The following CAMTA1 variants were observed in gnomAD, a reference collection of about 807,000 sequenced individuals.
The protein encoded by CAMTA1 is calmodulin-binding transcription activator 1.
In CAMTA1, 27 loss-of-function variants were observed where a neutral mutation model predicts 170.9. The observed-to-expected ratio is 0.16, with a 90% CI of 0.12 to 0.22. The LOEUF is 0.22. CAMTA1 is among the 10% of genes least tolerant of loss of function. CAMTA1 has a pLI of 1.00. For missense variants in CAMTA1, 1,619 were observed against 2,217.2 expected (o/e 0.73, Z 5.42); for synonymous variants, 833 against 891.5 (o/e 0.93, Z 1.17).
At position 7,709,712 on chromosome 1, in the gene CAMTA1, G is replaced by C. The variant is rs1324097894; in HGVS notation, c.2915-22736G>C. ...TCTTTCATATAATACAGCAGGATGG[G>C]CACTGGGTGTTTCAGCTCTACCATT... is the stretch of plus-strand genomic sequence containing the variant. On this transcript the variant is annotated intron_variant, in intron 11 of 22. Transcript: ENST00000303635. Among the ~76,000 whole-genome samples, 3 of 152,172 alleles carry C rather than the reference G, an allele frequency of 2.0e-5. No homozygotes were observed. In the East Asian group the frequency reaches 5.8e-4, roughly 29 times the overall value.
In CAMTA1 at chr1:7,463,105, G is replaced by A. The variant is rs1285600060; in HGVS notation, c.439-4725G>A. Among the ~76,000 whole-genome samples, 4 of 152,212 alleles carry A rather than the reference G, an allele frequency of 2.6e-5. No homozygotes were observed. The highest frequency in any genetic ancestry group is 4.4e-5 in the Non-Finnish European group (3 of 68,032). On this transcript the variant is annotated intron_variant, in intron 5 of 22. Transcript: ENST00000303635. This position sits in a 1 kb window ranked among gnomAD's most constrained non-coding sequence, Gnocchi z 4.7. ...CACATAAGGCCTCCTGGGGCCGGGG[G>A]TTCATGTGAGCAGGGACACGGGGAG...
intron 6 of CAMTA1, among the ~76,000 whole-genome samples, chr1:7,481,659 G>T (rs898114671): frequency 6.6e-6 from 1 of 152,124 alleles, no homozygotes; most frequent in Non-Finnish European, 1.5e-5. Context: ...GTTAACATTT[G>T]ACCATATCAT....
At chr1:7,550,661 G>A (rs550140325) in intron 6 of CAMTA1, among the ~76,000 whole-genome samples, 2 of 128,136 alleles carry the variant, frequency 1.6e-5, no homozygotes, top group East Asian at 2.3e-4. Flanking sequence ...TGGCCTCCTC[G>A]CAGCTGGCCC....
At chr1:7,690,546 T>G (rs1184011872) in intron 11 of CAMTA1, among the ~76,000 whole-genome samples, 2 of 152,222 alleles carry the variant, frequency 1.3e-5, no homozygotes, top group African/African-American at 4.8e-5. Flanking sequence ...GCTGCATCGA[T>G]TGGTCTTGAG....
chr1:7,342,054 A>C (rs1000383089), intron 5 of CAMTA1, among the ~76,000 whole-genome samples: 2 of 152,240 alleles, frequency 1.3e-5, no homozygotes, highest in Non-Finnish European at 2.9e-5. Context: ...GGTAGGTGCC[A>C]TTATCACTGT....
intron 6 of CAMTA1, among the ~76,000 whole-genome samples, chr1:7,596,924 A>G (rs907020688): frequency 3.3e-5 from 5 of 151,896 alleles, no homozygotes; most frequent in African/African-American, 1.2e-4. Flanking sequence ...CATGAGCAGA[A>G]CTGATGCCCT....
chr1:7,058,992 G>A (rs545207428), intron 3 of CAMTA1, among the ~76,000 whole-genome samples: 55 of 152,286 alleles, frequency 3.6e-4, no homozygotes, highest in African/African-American at 1.3e-3. Flanking sequence ...ACAGACCTGA[G>A]TTCGTGGGCT....
In CAMTA1 at chr1:7,026,210, C is replaced by A. The variant is rs561702890; in HGVS notation, c.235-65094C>A. On this transcript the variant is annotated intron_variant, in intron 3 of 22. Coordinates refer to ENST00000303635, the MANE Select transcript of CAMTA1 (RefSeq NM_015215.4). ...GTGAGATGTTTATCCCAGCAAGGGA[C>A]CTGCAAGGGATGAAGCTGGTGGCAG... Among the ~76,000 whole-genome samples, 210 of 152,118 alleles carry A rather than the reference C, an allele frequency of 1.4e-3. 1 individual carries two copies. The highest frequency in any genetic ancestry group is 4.7e-3 in the African/African-American group (193 of 41,494).
intron 5 of CAMTA1, among the ~76,000 whole-genome samples, chr1:7,416,845 A>G (rs2091213025): frequency 6.6e-6 from 1 of 152,124 alleles, no homozygotes; most frequent in African/African-American, 2.4e-5. Flanking sequence ...TCTGCTTTTT[A>G]GAGTTTCAGC....
chr1:7,103,927 C>G (rs1031223350), intron 4 of CAMTA1, among the ~76,000 whole-genome samples: 2 of 146,550 alleles, frequency 1.4e-5, no homozygotes, highest in African/African-American at 5.1e-5. Context: ...CACATACACA[C>G]AACTACACAC....
chr1:6,985,422 A>C (rs991248820), intron 3 of CAMTA1, among the ~76,000 whole-genome samples: 18 of 152,258 alleles, frequency 1.2e-4, no homozygotes, highest in Admixed American at 2.0e-4. Context: ...GAAAAGAAGA[A>C]ACCCCTTTAT....
At chr1:7,530,822 T>G (rs1372442778) in intron 6 of CAMTA1, among the ~76,000 whole-genome samples, 4 of 147,584 alleles carry the variant, frequency 2.7e-5, no homozygotes, top group African/African-American at 1.0e-4. Flanking sequence ...GTTTTTTTTT[T>G]TTTTTTTTTT....
intron 4 of CAMTA1, among the ~76,000 whole-genome samples, chr1:7,186,932 G>T (rs1405009166): frequency 6.6e-6 from 1 of 152,048 alleles, no homozygotes; most frequent in Non-Finnish European, 1.5e-5. Context: ...CCCTAGTGGG[G>T]TGTAATTGAG....
rs1303346015 is a variant in CAMTA1 at position 7,249,803 on chromosome 1, T to C, written c.438+177T>C. ...CTACCTTCTTACCCTATAGTCTCCA[T>C]TCAAGTTTTCAGTGAAACTGGATTG... On this transcript the variant is annotated intron_variant, in intron 5 of 22. Transcript: ENST00000303635. This position sits in a 1 kb window ranked among gnomAD's most constrained non-coding sequence, Gnocchi z 4.4. 1.3e-5 allele frequency among the ~76,000 whole-genome samples: 2 copies of C among 152,236 alleles called. No individual in the cohort carries two copies. Among genetic ancestry groups the C allele is most frequent in the African/African-American group, 2.4e-5 (1 of 41,464 alleles).
intron 3 of CAMTA1, among the ~76,000 whole-genome samples, chr1:6,895,196 G>T (rs79883254): frequency 0.015 from 2,228 of 152,284 alleles, 50 homozygotes; most frequent in African/African-American, 0.051. Flanking sequence ...GTTCAAAGTT[G>T]GTGAAAGAGC....
chr1:6,873,786 T>C (rs1669064611), intron 3 of CAMTA1, among the ~76,000 whole-genome samples: 1 of 152,256 alleles, frequency 6.6e-6, no homozygotes, highest in Admixed American at 6.5e-5. Flanking sequence ...GCCTTGTTTA[T>C]TTGGTTAGCA....
chr1:6,837,208 G>A (rs534804053), intron 3 of CAMTA1, among the ~76,000 whole-genome samples: 23 of 152,096 alleles, frequency 1.5e-4, no homozygotes, highest in Admixed American at 2.0e-4. Flanking sequence ...CACCCGCCTC[G>A]GCCTCCCAAA....
chr1:6,820,747 C>T (rs771488824), intron 2 of CAMTA1, among the ~76,000 whole-genome samples: 11 of 152,080 alleles, frequency 7.2e-5, no homozygotes, highest in Non-Finnish European at 1.3e-4. Context: ...AATGTAAGAT[C>T]CTTTCTGGGT....
At chr1:6,828,618 C>T (rs141532827) in intron 3 of CAMTA1, among the ~76,000 whole-genome samples, 1,706 of 152,014 alleles carry the variant, frequency 0.011, 24 homozygotes, top group Admixed American at 0.038. Context: ...AGCACCTGTT[C>T]TTTACTACTG....
Sources: allele counts gnomAD v4.1 joint callset (sites outside exome capture counted in the v4.1 genomes callset), GRCh38; gene constraint gnomAD v4.1.1; non-coding constraint Gnocchi (gnomAD v3.1); transcripts MANE v1.5; gene names NCBI Gene and HGNC (gene_info 2026-07-23, HGNC 2026-07-21).